UGT8: variants seen among roughly 807,000 people sequenced by gnomAD.
UGT8 encodes the protein 2-hydroxyacylsphingosine 1-beta-galactosyltransferase.
A neutral mutation model predicts 40.5 loss-of-function variants in UGT8; 12 were observed. That is an observed-to-expected ratio of 0.30 (90% CI 0.19 to 0.48). UGT8 has a LOEUF of 0.48. UGT8 is among the 20% of genes least tolerant of loss of function. The probability of loss-of-function intolerance (pLI) is 0.99; values close to 1 mark genes in which losing one functional copy is unlikely to be tolerated. For synonymous variants in UGT8, 224 were observed against 240.4 expected (o/e 0.93, Z 0.63); for missense variants, 513 against 648.7 (o/e 0.79, Z 2.27).
At chr4:114,610,500 T>G (rs1372063902) in intron 1 of UGT8, among the ~76,000 whole-genome samples, 1 of 152,166 alleles carries the variant, frequency 6.6e-6, no homozygotes, top group Non-Finnish European at 1.5e-5. Context: ...TCATAGATAC[T>G]TAGAAGACAC....
intron 1 of UGT8, among the ~76,000 whole-genome samples, chr4:114,615,623 C>T (rs570124294): frequency 6.6e-6 from 1 of 152,160 alleles, no homozygotes; most frequent in African/African-American, 2.4e-5. Context: ...TGTTGTTACA[C>T]CTTTTCTGGT....
chr4:114,639,094 A>C (rs1733058213), intron 2 of UGT8, among the ~76,000 whole-genome samples: 1 of 152,216 alleles, frequency 6.6e-6, no homozygotes, highest in Non-Finnish European at 1.5e-5. Context: ...TAAACCTTAA[A>C]GCCCTCAAAG....
chr4:114,631,365 T>C (rs1732560624), intron 2 of UGT8, among the ~76,000 whole-genome samples: 1 of 152,260 alleles, frequency 6.6e-6, no homozygotes, highest in Admixed American at 6.5e-5. Context: ...TGCATGCCTA[T>C]AGTGCCAGCT....
chr4:114,653,481 A>G (rs1399559051), intron 2 of UGT8, among the ~76,000 whole-genome samples: 2 of 152,082 alleles, frequency 1.3e-5, no homozygotes, highest in African/African-American at 2.4e-5. Flanking sequence ...GTCTTTCTCT[A>G]TATAGATGTA....
rs1731983002 is a variant in UGT8 at position 114,623,545 on chromosome 4, A to T, written c.665A>T (p.Tyr222Phe). The change falls in exon 2 of 6, where the codon TAC becomes TTC. Residue 222 changes from tyrosine (Y) to phenylalanine (F), a missense_variant. Coordinates refer to ENST00000310836, the MANE Select transcript of UGT8 (RefSeq NM_001128174.3). ...AAATATGAAAGGATAATGCAGAAGT[A>T]CAACCTGCTGCCAGAGAAGTCCATG... is the stretch of plus-strand genomic sequence containing the variant. ...LPKYERIMQKYNLLPEKSMYD... is the reference protein window; with the variant it reads ...LPKYERIMQKFNLLPEKSMYD... 3 of 1,614,022 alleles carry T rather than the reference A, an allele frequency of 1.9e-6. No individual in the cohort carries two copies. Among genetic ancestry groups the T allele is most frequent in the African/African-American group, 1.3e-5 (1 of 74,918 alleles).
At chr4:114,613,197 T>C (rs1731194301) in intron 1 of UGT8, among the ~76,000 whole-genome samples, 1 of 152,164 alleles carries the variant, frequency 6.6e-6, no homozygotes, top group African/African-American at 2.4e-5. Flanking sequence ...GATATCTTTG[T>C]AATTTAAACT....
chr4:114,647,446 G>A (rs1286841649), intron 2 of UGT8, among the ~76,000 whole-genome samples: 1 of 150,768 alleles, frequency 6.6e-6, no homozygotes, highest in African/African-American at 2.4e-5. Flanking sequence ...GCTCACTGCA[G>A]CCTCAGTCTC....
At chr4:114,623,773 T>C in intron 2 of UGT8, 71 bp downstream of exon 2, 1 of 1,479,440 alleles carries the variant, frequency 6.8e-7, no homozygotes, top group Admixed American at 2.5e-5. Context: ...GGAAGAGATA[T>C]GATTTGTTAT....
At position 114,675,915 on chromosome 4, in the gene UGT8, C is replaced by G; in HGVS notation, c.1263-10C>G. The G allele has an allele frequency of 1.2e-6, 2 of 1,600,364 alleles. No homozygotes were observed. Among genetic ancestry groups the G allele is most frequent in the Non-Finnish European group, 1.7e-6 (2 of 1,172,616 alleles). The stretch of plus-strand genomic sequence containing the variant: ...GCATCATCATTCTGTGTTTTGTCCC[C>G]TCTCCATAGCTACCGTCAGAGGGCT... On this transcript the variant is annotated splice_polypyrimidine_tract_variant and intron_variant, in intron 5 of 5. Transcript: ENST00000310836.
chr4:114,675,378 T>A (rs1735560528), intron 5 of UGT8, among the ~76,000 whole-genome samples: 1 of 152,176 alleles, frequency 6.6e-6, no homozygotes, highest in South Asian at 2.1e-4. Context: ...CTTTGTAACA[T>A]AATCAAGTTA....
At position 114,677,126 on chromosome 4, in the gene UGT8, A is replaced by G. The variant is rs999045874; in HGVS notation, c.*838A>G. ...TTAAATGCATAATTAAGACAAAGCA[A>G]TGAAATTCTGACTTTATTCAAAGTA... On this transcript the variant is annotated 3_prime_UTR_variant, in exon 6 of 6. Coordinates refer to ENST00000310836, the MANE Select transcript of UGT8 (RefSeq NM_001128174.3). 2 of 152,212 alleles carry G rather than the reference A, an allele frequency of 1.3e-5. No homozygotes were observed. The highest frequency in any genetic ancestry group is 2.9e-5 in the Non-Finnish European group (2 of 68,036). 9.4% of individuals were successfully genotyped at this position (152,212 alleles called of 1,614,324 possible).
intron 5 of UGT8, among the ~76,000 whole-genome samples, chr4:114,670,376 A>T (rs1367672775): frequency 7.6e-6 from 1 of 131,310 alleles, no homozygotes; most frequent in Non-Finnish European, 1.6e-5. Context: ...ACTTACAGTG[A>T]GCCGAGATTG....
Position 114,622,953 on chromosome 4 carries a change from A to G in UGT8, c.73A>G (p.Ile25Val), listed in dbSNP as rs747287967. ...GATAGCGAAGGCTGCCAAAATCATCATCGTGCCGCCAATTATGTTTGAAAG... is the reference window on the plus strand; with the variant it reads ...GATAGCGAAGGCTGCCAAAATCATCGTCGTGCCGCCAATTATGTTTGAAAG... The part of the protein sequence containing the change: ...VGIAKAAKII[I>V]VPPIMFESHM... Residue 25 changes from isoleucine to valine, a missense_variant, in exon 2 of 6, where the codon ATC becomes GTC. By Grantham distance (29) the Ile-to-Val change is conservative. Around this residue, in one of 3 missense-constraint regions of UGT8, gnomAD observed 335 missense variants for 444.8 expected, o/e 0.75. Transcript: ENST00000310836. The G allele has an allele frequency of 1.2e-6, 2 of 1,614,094 alleles. No individual in the cohort carries two copies. Among genetic ancestry groups the G allele is most frequent in the Non-Finnish European group, 1.7e-6 (2 of 1,180,012 alleles).
rs1288175498 is a variant in UGT8, at chr4:114,622,111, C to G, written c.-2-768C>G. 1.5e-3 allele frequency among the ~76,000 whole-genome samples: 194 copies of G among 125,460 alleles called. 1 individual carries two copies. Among genetic ancestry groups the G allele is most frequent in the African/African-American group, 5.4e-3 (184 of 33,960 alleles). The allele number at this position is 125,460 out of a possible 152,430, so 82.3% of individuals were successfully genotyped here. ...CAATGCTATCCCTCCCCCCTCCCCCCACCCCACAACAGTCCCCAGAGTGTG... is the reference window on the plus strand; with the variant it reads ...CAATGCTATCCCTCCCCCCTCCCCCGACCCCACAACAGTCCCCAGAGTGTG... On this transcript the variant is annotated intron_variant, in intron 1 of 5. Coordinates refer to ENST00000310836, the MANE Select transcript of UGT8 (RefSeq NM_001128174.3).
In UGT8 at chr4:114,651,423, G is replaced by C. The variant is rs575725210; in HGVS notation, c.823-12572G>C. Among the ~76,000 whole-genome samples, 49 of 152,026 alleles carry C rather than the reference G, an allele frequency of 3.2e-4. 1 individual carries two copies. The Middle Eastern group carries it at 0.017, about 53-fold the overall frequency. ...TACATGTTTCTCTTTTATAAATGTA[G>C]AAGTCTCACATGTCATTTTAATTTT... On this transcript the variant is annotated intron_variant, in intron 2 of 5. Coordinates refer to ENST00000310836, the MANE Select transcript of UGT8 (RefSeq NM_001128174.3).
At position 114,640,282 on chromosome 4, in the gene UGT8, G is replaced by A. The variant is rs929813012; in HGVS notation, c.822+16580G>A. Among the ~76,000 whole-genome samples, 34 of 151,410 alleles carry A rather than the reference G, an allele frequency of 2.2e-4. 1 individual carries two copies. The highest frequency in any genetic ancestry group is 6.5e-4 in the African/African-American group (27 of 41,338). On this transcript the variant is annotated intron_variant, in intron 2 of 5. Coordinates refer to ENST00000310836, the MANE Select transcript of UGT8 (RefSeq NM_001128174.3). Reference sequence around the variant, plus strand: ...CCTGACCTTGTGATCCGCCCGCCTCGGCCTCCCAAAGTGCTGGGATTACAG... The same window carrying A: ...CCTGACCTTGTGATCCGCCCGCCTCAGCCTCCCAAAGTGCTGGGATTACAG...
intron 1 of UGT8, among the ~76,000 whole-genome samples, chr4:114,615,159 G>A (rs1261526379): frequency 2.0e-5 from 3 of 151,532 alleles, no homozygotes; most frequent in African/African-American, 7.3e-5. Context: ...CTCTTCACAT[G>A]GTGGGATATG....
At chr4:114,628,092 C>T (rs1361158298) in intron 2 of UGT8, among the ~76,000 whole-genome samples, 1 of 151,792 alleles carries the variant, frequency 6.6e-6, no homozygotes, top group African/African-American at 2.4e-5. Flanking sequence ...GTATACTGTC[C>T]TAGCCATTAA....
rs562479994 is a variant in UGT8, at chr4:114,631,498, C to T, written c.822+7796C>T. Among the ~76,000 whole-genome samples, 33 of 152,302 alleles carry T rather than the reference C, an allele frequency of 2.2e-4. 1 individual carries two copies. The highest frequency in any genetic ancestry group is 7.5e-4 in the African/African-American group (31 of 41,572). ...TGAGACTCCATCTCAACAAAAACAACAATAAAAGAAAAGTAATGTCCCATT... is the reference window on the plus strand; with the variant it reads ...TGAGACTCCATCTCAACAAAAACAATAATAAAAGAAAAGTAATGTCCCATT... On this transcript the variant is annotated intron_variant, in intron 2 of 5. Coordinates refer to ENST00000310836, the MANE Select transcript of UGT8 (RefSeq NM_001128174.3).
Sources: allele counts gnomAD v4.1 joint callset (sites outside exome capture counted in the v4.1 genomes callset), GRCh38; gene constraint gnomAD v4.1.1; regional missense constraint gnomAD v4.1.1; transcripts MANE v1.5; gene names NCBI Gene and HGNC (gene_info 2026-07-23, HGNC 2026-07-21).